Variants in FANCC observed in about 807,000 individuals in gnomAD.
FANCC encodes the protein Fanconi anemia group C protein.
A neutral mutation model predicts 71.3 loss-of-function variants in FANCC; 55 were observed. The observed-to-expected ratio is 0.77, with a 90% CI of 0.62 to 0.97. The LOEUF (loss-of-function observed/expected upper bound fraction) is 0.97. FANCC is among the 50% of genes least tolerant of loss of function. The pLI is 0.00. For synonymous variants in FANCC, 275 were observed against 244.9 expected, an observed-to-expected ratio of 1.12 and a Z score of -1.15; for missense variants, 678 against 670.9, an observed-to-expected ratio of 1.01 and a Z score of -0.12.
At chr9:95,164,789 C>T (rs1830968151) in intron 6 of FANCC, among the ~76,000 whole-genome samples, 1 of 152,064 alleles carries the variant, frequency 6.6e-6, no homozygotes, top group African/African-American at 2.4e-5. Context: ...CAGGGTAATG[C>T]TTGCTCACAA....
intron 1 of FANCC, among the ~76,000 whole-genome samples, chr9:95,270,032 T>G (rs796237671): frequency 4.1e-4 from 63 of 152,292 alleles, no homozygotes; most frequent in African/African-American, 1.5e-3. Flanking sequence ...ACAGCACATG[T>G]TTCAGAGAGC....
chr9:95,213,491 A>C (rs1828636908), intron 4 of FANCC, among the ~76,000 whole-genome samples: 1 of 152,168 alleles, frequency 6.6e-6, no homozygotes, highest in East Asian at 1.9e-4. Flanking sequence ...AGAGTCCAAT[A>C]ATAAATCCCT....
At chr9:95,207,475 TC>T (rs1828205087) in intron 4 of FANCC, among the ~76,000 whole-genome samples, 1 of 152,040 alleles carries the variant, frequency 6.6e-6, no homozygotes, top group Non-Finnish European at 1.5e-5. Flanking sequence ...GAATGAAGGC[TC>T]TTCCTTCCCA....
At chr9:95,244,288 C>G (rs1432733821) in intron 3 of FANCC, among the ~76,000 whole-genome samples, 1 of 152,180 alleles carries the variant, frequency 6.6e-6, no homozygotes, top group Non-Finnish European at 1.5e-5. Flanking sequence ...CACATTGAGT[C>G]AGGCTGACCT....
chr9:95,227,188 T>C (rs1311106013), intron 4 of FANCC, among the ~76,000 whole-genome samples: 1 of 152,178 alleles, frequency 6.6e-6, no homozygotes, highest in East Asian at 1.9e-4. Context: ...ACTTGGTCAG[T>C]TCGGGAGAGA....
At chr9:95,251,357 C>G (rs1400034891) in intron 1 of FANCC, among the ~76,000 whole-genome samples, 1 of 151,996 alleles carries the variant, frequency 6.6e-6, no homozygotes, top group Non-Finnish European at 1.5e-5. Flanking sequence ...ACTCTATCTC[C>G]CAGGCTGGAG....
At chr9:95,316,996 C>G (rs1164778204) in intron 1 of FANCC, 2 of 152,298 alleles carry the variant, frequency 1.3e-5, no homozygotes, top group South Asian at 4.1e-4. Flanking sequence ...CTCGCCCCTC[C>G]TGGCGCCCCG....
At chr9:95,135,231 TA>T in intron 8 of FANCC, 114 bp downstream of exon 8, 1 of 1,016,876 alleles carries the variant, frequency 9.8e-7, no homozygotes, top group Non-Finnish European at 1.5e-6. Context: ...CGATTATATA[TA>T]AAGGTTCCAA....
At chr9:95,185,697 A>G (rs1483406193) in intron 4 of FANCC, among the ~76,000 whole-genome samples, 1 of 152,248 alleles carries the variant, frequency 6.6e-6, no homozygotes, top group Admixed American at 6.5e-5. Context: ...TAAACTGTTC[A>G]ATGATTTCCA....
rs1394313038 is a variant in FANCC at position 95,110,666 on chromosome 9, G to GA, written c.1329+796dup. The GA allele has an allele frequency of 3.9e-5, 41 of 1,050,038 alleles. No individual in the cohort carries two copies. In the South Asian group the frequency reaches 5.0e-4, roughly 13 times the overall value. The allele number at this position is 1,050,038 out of a possible 1,614,324, so 65.0% of individuals were successfully genotyped here. A position where few individuals can be genotyped will look rare whatever the true frequency, so the allele number is the denominator to read the frequency against. The stretch of plus-strand genomic sequence containing the variant: ...TTAGTCTGTGTGTTTTCAAACAACA[G>GA]AAAATGCCAAAGCCAAGAGAAGCAG... On this transcript the variant is annotated intron_variant, in intron 13 of 14. Coordinates refer to ENST00000289081, the MANE Select transcript of FANCC (RefSeq NM_000136.3).
intron 4 of FANCC, among the ~76,000 whole-genome samples, chr9:95,240,290 G>GC (rs1383094831): frequency 6.6e-6 from 1 of 152,236 alleles, no homozygotes; most frequent in East Asian, 1.9e-4. Flanking sequence ...AGGCATGGAA[G>GC]CATGTGGAAA....
intron 1 of FANCC, among the ~76,000 whole-genome samples, chr9:95,300,493 C>G (rs1273369358): frequency 6.6e-6 from 1 of 151,700 alleles, no homozygotes; most frequent in Non-Finnish European, 1.5e-5. Flanking sequence ...CTCTGTCGCC[C>G]AGGCTGGAGT....
At chr9:95,112,860 C>G (rs2072063088) in intron 12 of FANCC, among the ~76,000 whole-genome samples, 2 of 152,250 alleles carry the variant, frequency 1.3e-5, no homozygotes, top group Admixed American at 6.5e-5. Context: ...AAGTCCTGTT[C>G]TGCAGCACCA....
chr9:95,161,295 A>G (rs1184263872), intron 6 of FANCC, among the ~76,000 whole-genome samples: 1 of 152,230 alleles, frequency 6.6e-6, no homozygotes, highest in African/African-American at 2.4e-5. Context: ...GAGGCCTGGA[A>G]GGAGAAGCCA....
chr9:95,291,636 C>T (rs1834003991), intron 1 of FANCC, among the ~76,000 whole-genome samples: 1 of 151,988 alleles, frequency 6.6e-6, no homozygotes, highest in African/African-American at 2.4e-5. Flanking sequence ...GAATTCGTAT[C>T]TTTTAAAAGT....
chr9:95,261,693 T>C (rs952101601), intron 1 of FANCC, among the ~76,000 whole-genome samples: 2 of 152,188 alleles, frequency 1.3e-5, no homozygotes, highest in African/African-American at 4.8e-5. Context: ...GTTAGATCCC[T>C]CAGTAAGTAT....
chr9:95,174,838 G>T (rs1325130586), intron 4 of FANCC, among the ~76,000 whole-genome samples: 1 of 152,056 alleles, frequency 6.6e-6, no homozygotes, highest in Non-Finnish European at 1.5e-5. Context: ...ATAGACCCGG[G>T]ACGACAAGCA....
chr9:95,106,777 G>A (rs180784162), intron 14 of FANCC, among the ~76,000 whole-genome samples: 2 of 152,322 alleles, frequency 1.3e-5, no homozygotes, highest in African/African-American at 4.8e-5. Flanking sequence ...AGAAATGTAC[G>A]TAGGGGGACA....
chr9:95,199,391 CT>C (rs757592058), intron 4 of FANCC, among the ~76,000 whole-genome samples: 1 of 152,102 alleles, frequency 6.6e-6, no homozygotes, highest in South Asian at 2.1e-4. Flanking sequence ...ACCATGCCTC[CT>C]CCCAGTGCGT....
Sources: gnomAD v4.1 joint callset for allele counts (sites outside exome capture counted in the v4.1 genomes callset) on GRCh38, gnomAD v4.1.1 for gene constraint, MANE v1.5 for transcripts, NCBI Gene and HGNC (gene_info 2026-07-23, HGNC 2026-07-21) for gene names.